Variants in NKAIN3 observed in about 807,000 individuals in gnomAD.
NKAIN3 encodes sodium/potassium-transporting ATPase subunit beta-1-interacting protein 3.
A neutral mutation model predicts 30.2 loss-of-function variants in NKAIN3; 25 were observed. The observed-to-expected ratio is 0.83, with a 90% CI of 0.60 to 1.16. NKAIN3 has a LOEUF of 1.16. NKAIN3 is among the 50% of genes most tolerant of loss of function. The probability of loss-of-function intolerance (pLI) is 0.00; values close to 1 mark genes in which losing one functional copy is unlikely to be tolerated. For missense variants in NKAIN3, 225 were observed against 254.1 expected, an observed-to-expected ratio of 0.89 and a Z score of 0.78; for synonymous variants, 91 against 89.6, an observed-to-expected ratio of 1.02 and a Z score of -0.09.
chr8:62,796,213 A>T (rs1410880870), intron 4 of NKAIN3, among the ~76,000 whole-genome samples: 1 of 151,528 alleles, frequency 6.6e-6, no homozygotes, highest in Admixed American at 6.6e-5. Flanking sequence ...ATGAAACCCC[A>T]TCTCTACTAA....
intron 4 of NKAIN3, among the ~76,000 whole-genome samples, chr8:62,813,410 A>C (rs1459239165): frequency 6.6e-6 from 1 of 151,208 alleles, no homozygotes; most frequent in Non-Finnish European, 1.5e-5. Context: ...ATGCTATTAC[A>C]TTGTATCTGT....
chr8:62,434,921 T>A (rs1451055308), intron 1 of NKAIN3, among the ~76,000 whole-genome samples: 1 of 152,124 alleles, frequency 6.6e-6, no homozygotes, highest in Non-Finnish European at 1.5e-5. Flanking sequence ...AGAACATCTA[T>A]TATGCTGAAA....
intron 4 of NKAIN3, among the ~76,000 whole-genome samples, chr8:62,796,427 C>T (rs1293482194): frequency 7.4e-6 from 1 of 135,148 alleles, no homozygotes; most frequent in African/African-American, 2.8e-5. Flanking sequence ...GCAATGAATG[C>T]TAGATACTGC....
chr8:62,600,701 A>T (rs891188210), intron 3 of NKAIN3, among the ~76,000 whole-genome samples: 1 of 152,044 alleles, frequency 6.6e-6, no homozygotes, highest in Admixed American at 6.6e-5. Context: ...TTCTTGGAGA[A>T]ATTTAAGCCA....
chr8:62,913,132 G>A (rs1444739397), intron 4 of NKAIN3, among the ~76,000 whole-genome samples: 1 of 131,006 alleles, frequency 7.6e-6, no homozygotes, highest in Non-Finnish European at 1.6e-5. Context: ...GGAACTGCCT[G>A]AGGCTGTTTT....
At chr8:62,635,510 T>C (rs1056493281) in intron 3 of NKAIN3, among the ~76,000 whole-genome samples, 1 of 152,154 alleles carries the variant, frequency 6.6e-6, no homozygotes, top group Non-Finnish European at 1.5e-5. Context: ...GAAAGTGCTA[T>C]GGTCAGGAGA....
intron 4 of NKAIN3, among the ~76,000 whole-genome samples, chr8:62,890,715 CA>C (rs1293793050): frequency 2.0e-5 from 3 of 152,176 alleles, no homozygotes; most frequent in African/African-American, 7.2e-5. Context: ...AGCCTCTCAT[CA>C]ATAGGAGAGG....
At chr8:62,406,091 T>C (rs1039816585) in intron 1 of NKAIN3, among the ~76,000 whole-genome samples, 3 of 152,238 alleles carry the variant, frequency 2.0e-5, no homozygotes, top group Non-Finnish European at 2.9e-5. Context: ...TAATGTTTAA[T>C]GAAGTATTGT....
intron 1 of NKAIN3, among the ~76,000 whole-genome samples, chr8:62,576,083 G>A (rs1184333492): frequency 6.6e-6 from 1 of 152,028 alleles, no homozygotes; most frequent in Non-Finnish European, 1.5e-5. Flanking sequence ...TATCCCACAA[G>A]CACAGGCAAC....
intron 4 of NKAIN3, among the ~76,000 whole-genome samples, chr8:62,799,513 A>G (rs1278284933): frequency 6.6e-6 from 1 of 152,212 alleles, no homozygotes; most frequent in Admixed American, 6.5e-5. Context: ...TAACTCCTGC[A>G]AGAATGGACA....
chr8:62,680,653 TTCTAATG>T (rs1813618873), intron 3 of NKAIN3, among the ~76,000 whole-genome samples: 1 of 152,190 alleles, frequency 6.6e-6, no homozygotes, highest in African/African-American at 2.4e-5. Context: ...TGATAGGATT[TTCTAATG>T]TCTTCTGCCC....
chr8:62,789,486 C>A (rs776702689), intron 4 of NKAIN3, among the ~76,000 whole-genome samples: 1 of 152,060 alleles, frequency 6.6e-6, no homozygotes, highest in African/African-American at 2.4e-5. Context: ...AAAACAGGGA[C>A]AATTTGACTT....
chr8:62,991,229 G>T (rs1824313923), intron 5 of NKAIN3, among the ~76,000 whole-genome samples: 1 of 152,176 alleles, frequency 6.6e-6, no homozygotes, highest in African/African-American at 2.4e-5. Context: ...GTAGATCAAG[G>T]CAAGAAGTTG....
At chr8:62,849,983 C>CT (rs1819834537) in intron 4 of NKAIN3, among the ~76,000 whole-genome samples, 1 of 151,792 alleles carries the variant, frequency 6.6e-6, no homozygotes, top group African/African-American at 2.4e-5. Context: ...AATGCGATAG[C>CT]TGGGTGAAAT....
chr8:62,929,570 GA>G (rs1252248100), intron 5 of NKAIN3, among the ~76,000 whole-genome samples: 5 of 152,156 alleles, frequency 3.3e-5, no homozygotes, highest in African/African-American at 9.7e-5. Context: ...AAGTTTCAGG[GA>G]AACAGGTGAA....
chr8:62,474,347 C>T (rs2129600197), intron 1 of NKAIN3: 1 of 152,306 alleles, frequency 6.6e-6, no homozygotes, highest in East Asian at 1.9e-4. Flanking sequence ...AAGCCAGCTG[C>T]TAGAGAAGGG....
At chr8:62,811,438 C>T (rs765451670) in intron 4 of NKAIN3, among the ~76,000 whole-genome samples, 1 of 152,034 alleles carries the variant, frequency 6.6e-6, no homozygotes, top group Non-Finnish European at 1.5e-5. Flanking sequence ...TTTAAAATAA[C>T]TTGCTAGACT....
chr8:62,343,886 A>G (rs1217783822), intron 1 of NKAIN3, among the ~76,000 whole-genome samples: 1 of 152,140 alleles, frequency 6.6e-6, no homozygotes, highest in Admixed American at 6.6e-5. Flanking sequence ...TTGCTGTAGT[A>G]TAGAGATCAC....
chr8:62,525,430 C>T (rs1019948058), intron 1 of NKAIN3, among the ~76,000 whole-genome samples: 3 of 152,126 alleles, frequency 2.0e-5, no homozygotes, highest in Non-Finnish European at 4.4e-5. Context: ...TGTACACCAG[C>T]TTCTTGCTTT....
Sources: allele counts gnomAD v4.1 joint callset (sites outside exome capture counted in the v4.1 genomes callset), GRCh38; gene constraint gnomAD v4.1.1; transcripts MANE v1.5; gene names NCBI Gene and HGNC (gene_info 2026-07-23, HGNC 2026-07-21).